KREMEN1: variants seen among roughly 807,000 people sequenced by gnomAD.
KREMEN1 encodes kringle containing transmembrane protein 1.
Under a neutral mutation model 46.5 loss-of-function variants are expected in KREMEN1, and 30 were observed. That is an observed-to-expected ratio of 0.65 (90% CI 0.48 to 0.88). KREMEN1 has a LOEUF of 0.88. Ranked by LOEUF, KREMEN1 falls within the 40% of genes least tolerant of loss-of-function variation. KREMEN1 has a pLI of 0.00. For synonymous variants in KREMEN1, 214 were observed against 230.6 expected (o/e 0.93, Z 0.65); for missense variants, 533 against 596.9 (o/e 0.89, Z 1.11).
chr22:29,085,754 A>G (rs1184919819), intron 1 of KREMEN1, among the ~76,000 whole-genome samples: 1 of 152,144 alleles, frequency 6.6e-6, no homozygotes, highest in Non-Finnish European at 1.5e-5. Context: ...GCAGGTGGAT[A>G]GCTTGAGCCC....
chr22:29,140,056 C>G (rs1290593662), intron 7 of KREMEN1, among the ~76,000 whole-genome samples: 1 of 152,170 alleles, frequency 6.6e-6, no homozygotes, highest in Non-Finnish European at 1.5e-5. Flanking sequence ...TCCTGTCTGC[C>G]TCTCCCTGAG....
chr22:29,146,895 G>A, downstream of KREMEN1: 1 of 656,856 alleles, frequency 1.5e-6, no homozygotes, highest in Non-Finnish European at 1.9e-6. Context: ...GTCTGTGGTG[G>A]GATTCCTGCC....
chr22:29,117,424 G>A (rs140676107), intron 3 of KREMEN1, among the ~76,000 whole-genome samples: 2,366 of 152,114 alleles, frequency 0.016, 60 homozygotes, highest in African/African-American at 0.054. Context: ...AAAATTAGCC[G>A]GGCGTGGTGG....
chr22:29,148,268 G>A (rs1291945918), downstream of KREMEN1, among the ~76,000 whole-genome samples: 1 of 152,114 alleles, frequency 6.6e-6, no homozygotes, highest in East Asian at 1.9e-4. Flanking sequence ...ACAACCCAAG[G>A]AAACATGGGC....
intron 5 of KREMEN1, among the ~76,000 whole-genome samples, chr22:29,128,538 T>C (rs1413107916): frequency 6.6e-6 from 1 of 152,168 alleles, no homozygotes; most frequent in African/African-American, 2.4e-5. Flanking sequence ...CTGGATTAAA[T>C]TGTAAATGCA....
In KREMEN1 at chr22:29,145,718, C is replaced by T. The variant is rs1010572552; in HGVS notation, c.*3606C>T. The T allele has an allele frequency of 3.0e-6, 3 of 985,420 alleles. No individual in the cohort carries two copies. The highest frequency in any genetic ancestry group is 6.1e-5 in the Admixed American group (1 of 16,272). 61.0% of individuals were successfully genotyped at this position (985,420 alleles called of 1,614,324 possible). On this transcript the variant is annotated 3_prime_UTR_variant, in exon 9 of 9. Transcript: ENST00000400335. ...GTGACTTCACCCGCCCTGTCCCCCACGTCAGGACAGGCTTGAGGCCTCTCT... is the reference window on the plus strand; with the variant it reads ...GTGACTTCACCCGCCCTGTCCCCCATGTCAGGACAGGCTTGAGGCCTCTCT...
At chr22:29,095,267 C>A (rs565408658) in intron 2 of KREMEN1, among the ~76,000 whole-genome samples, 1 of 152,310 alleles carries the variant, frequency 6.6e-6, no homozygotes, top group South Asian at 2.1e-4. Context: ...CTTTTCACCT[C>A]CCGTCTGACT....
chr22:29,143,183 C>A lies in KREMEN1; in HGVS notation c.*1071C>A. 1 of 984,878 alleles carries A rather than the reference C, an allele frequency of 1.0e-6. No homozygotes were observed. The highest frequency in any genetic ancestry group is 1.2e-6 in the Non-Finnish European group (1 of 829,650). The allele number at this position is 984,878 out of a possible 1,614,324, so 61.0% of individuals were successfully genotyped here. On this transcript the variant is annotated 3_prime_UTR_variant, in exon 9 of 9. Transcript: ENST00000400335. The stretch of plus-strand genomic sequence containing the variant: ...CAAAACACAAATAAACAAAAAAAAT[C>A]CATTCATTTACTCATGCAATAAATT...
Position 29,145,591 on chromosome 22 carries a change from C to T in KREMEN1, c.*3479C>T, listed in dbSNP as rs866475629. 1.2e-5 allele frequency: 12 copies of T among 985,462 alleles called. No individual in the cohort carries two copies. In the African/African-American group the frequency reaches 1.6e-4, roughly 13 times the overall value. The allele number at this position is 985,462 out of a possible 1,614,324, so 61.0% of individuals were successfully genotyped here. ...AGTTTCTAGCAGCGTTTCTCAGTGTCCTTGGCCCTTCTGAGAAGGCAGGCG... is the reference window on the plus strand; with the variant it reads ...AGTTTCTAGCAGCGTTTCTCAGTGTTCTTGGCCCTTCTGAGAAGGCAGGCG... On this transcript the variant is annotated 3_prime_UTR_variant, in exon 9 of 9. Transcript: ENST00000400335.
chr22:29,134,464 G>T (rs1023080546), intron 5 of KREMEN1, among the ~76,000 whole-genome samples: 2 of 152,108 alleles, frequency 1.3e-5, no homozygotes, highest in Admixed American at 6.5e-5. Flanking sequence ...GCCTCCAGTA[G>T]ATTATTTACC....
At chr22:29,107,729 T>C (rs1457407196) in intron 3 of KREMEN1, among the ~76,000 whole-genome samples, 2 of 151,680 alleles carry the variant, frequency 1.3e-5, no homozygotes, top group Admixed American at 1.3e-4. Context: ...ACAGAAAACT[T>C]AAAAATTCAC....
rs566999238 is a variant in KREMEN1 at position 29,077,618 on chromosome 22, A to G, written c.97+4391A>G. Among the ~76,000 whole-genome samples the G allele has an allele frequency of 3.3e-5, 5 of 152,342 alleles. No individual in the cohort carries two copies. In the South Asian group the frequency reaches 8.3e-4, roughly 25 times the overall value. ...AATATTGTTCATTTGATTTTTCAAAACTAAAATATTTTTAAAATTATAGAT... is the reference window on the plus strand; with the variant it reads ...AATATTGTTCATTTGATTTTTCAAAGCTAAAATATTTTTAAAATTATAGAT... On this transcript the variant is annotated intron_variant, in intron 1 of 8. Coordinates refer to ENST00000400335, the MANE Select transcript of KREMEN1 (RefSeq NM_001039570.3).
intron 3 of KREMEN1, chr22:29,099,180 T>C: frequency 2.2e-6 from 1 of 460,254 alleles, no homozygotes; most frequent in Non-Finnish European, 3.9e-6. Flanking sequence ...CCTTGATGGG[T>C]AAGCCCCATG....
chr22:29,100,987 C>T (rs1485592175), intron 3 of KREMEN1, among the ~76,000 whole-genome samples: 1 of 152,204 alleles, frequency 6.6e-6, no homozygotes, highest in Admixed American at 6.5e-5. Context: ...CACGTTGGCT[C>T]ACGCCTGTAA....
intron 5 of KREMEN1, among the ~76,000 whole-genome samples, chr22:29,132,118 C>T (rs764229308): frequency 1.4e-4 from 22 of 151,960 alleles, no homozygotes; most frequent in Admixed American, 1.3e-4. Context: ...GTGATCCACC[C>T]GCCTTTTCCT....
intron 1 of KREMEN1, among the ~76,000 whole-genome samples, chr22:29,089,196 A>G (rs2037772950): frequency 6.6e-6 from 1 of 152,130 alleles, no homozygotes. Context: ...CGTACTCTAC[A>G]TCTCCACTCA....
chr22:29,105,902 A>G (rs1234641474), intron 3 of KREMEN1, among the ~76,000 whole-genome samples: 1 of 152,224 alleles, frequency 6.6e-6, no homozygotes, highest in Non-Finnish European at 1.5e-5. Flanking sequence ...TCTTTTAACT[A>G]AATAATACCT....
Position 29,143,840 on chromosome 22 carries a change from C to A in KREMEN1, c.*1728C>A. On this transcript the variant is annotated 3_prime_UTR_variant, in exon 9 of 9. Transcript: ENST00000400335. ...TGGCTCAGTGGGGAAGGAGAGCACT[C>A]TTGTCCCCAGTCCCTTGCCACCCTG... 1.0e-6 allele frequency: 1 copy of A among 985,386 alleles called. No homozygotes were observed. Among genetic ancestry groups the A allele is most frequent in the Non-Finnish European group, 1.2e-6 (1 of 830,008 alleles). The allele number at this position is 985,386 out of a possible 1,614,324, so 61.0% of individuals were successfully genotyped here. A position where few individuals can be genotyped will look rare whatever the true frequency, so the allele number is the denominator to read the frequency against.
At position 29,144,053 on chromosome 22, in the gene KREMEN1, G is replaced by T; in HGVS notation, c.*1941G>T. ...CTGGAATCAGGCTTTGTCAACAGCA[G>T]CTGAGAAAAGCAGCCTGTGCCTCTG... On this transcript the variant is annotated 3_prime_UTR_variant, in exon 9 of 9. Coordinates refer to ENST00000400335, the MANE Select transcript of KREMEN1 (RefSeq NM_001039570.3). 1.0e-6 allele frequency: 1 copy of T among 985,560 alleles called. No homozygotes were observed. Among genetic ancestry groups the T allele is most frequent in the African/African-American group, 1.7e-5 (1 of 57,380 alleles). 61.1% of individuals were successfully genotyped at this position (985,560 alleles called of 1,614,324 possible).
Sources: allele counts gnomAD v4.1 joint callset (sites outside exome capture counted in the v4.1 genomes callset), GRCh38; gene constraint gnomAD v4.1.1; transcripts MANE v1.5; gene names NCBI Gene and HGNC (gene_info 2026-07-23, HGNC 2026-07-21).